The following NOS1AP variants were observed in gnomAD, a reference collection of about 807,000 sequenced individuals.
The protein encoded by NOS1AP is nitric oxide synthase 1 adaptor protein, also known as carboxyl-terminal PDZ ligand of neuronal nitric oxide synthase protein.
A neutral mutation model predicts 56.2 loss-of-function variants in NOS1AP; 21 were observed. The observed-to-expected ratio is 0.37, with a 90% CI of 0.26 to 0.54. NOS1AP has a LOEUF of 0.54. Ranked by LOEUF, NOS1AP falls within the 20% of genes least tolerant of loss-of-function variation. The pLI is 0.84. For synonymous variants in NOS1AP, 270 were observed against 274.6 expected (o/e 0.98, Z 0.17); for missense variants, 522 against 657.8 (o/e 0.79, Z 2.26).
At chr1:162,317,383 C>T (rs1440971820) in intron 4 of NOS1AP, 1 of 152,118 alleles carries the variant, frequency 6.6e-6, no homozygotes, top group Non-Finnish European at 1.5e-5. Context: ...TGCACATACA[C>T]ACACCAAAGT....
At chr1:162,195,379 C>T (rs72633699) in intron 2 of NOS1AP, among the ~76,000 whole-genome samples, 33,857 of 151,842 alleles carry the variant, frequency 0.22, 4,220 homozygotes, top group East Asian at 0.39. Flanking sequence ...TTTCTCTCTA[C>T]GAGGCCATAC....
chr1:162,273,313 GC>G (rs1393324175), intron 2 of NOS1AP, among the ~76,000 whole-genome samples: 1 of 151,876 alleles, frequency 6.6e-6, no homozygotes, highest in Non-Finnish European at 1.5e-5. Context: ...ACAGGCGCCC[GC>G]CACCACACCC....
intron 2 of NOS1AP, among the ~76,000 whole-genome samples, chr1:162,260,707 T>A (rs1654181077): frequency 6.6e-6 from 1 of 152,178 alleles, no homozygotes; most frequent in Non-Finnish European, 1.5e-5. Context: ...CACCCACCTT[T>A]TTTTGCTGCT....
At chr1:162,288,781 C>T (rs1217219161) in intron 3 of NOS1AP, among the ~76,000 whole-genome samples, 1 of 152,188 alleles carries the variant, frequency 6.6e-6, no homozygotes, top group Non-Finnish European at 1.5e-5. Flanking sequence ...AAAGAACCAC[C>T]TTCTTCAAAA....
intron 2 of NOS1AP, among the ~76,000 whole-genome samples, chr1:162,265,714 G>A (rs1320643136): frequency 6.6e-5 from 10 of 152,162 alleles, no homozygotes; most frequent in Admixed American, 6.6e-4. Context: ...CAGTTGATTT[G>A]CTTGAGATTA....
chr1:162,350,558 C>T (rs998050289), intron 6 of NOS1AP, among the ~76,000 whole-genome samples: 1 of 152,234 alleles, frequency 6.6e-6, no homozygotes, highest in African/African-American at 2.4e-5. Context: ...ACCCTGTTCC[C>T]CTGGAGGTGA....
intron 2 of NOS1AP, among the ~76,000 whole-genome samples, chr1:162,212,940 C>A (rs1652421699): frequency 6.6e-6 from 1 of 152,206 alleles, no homozygotes; most frequent in South Asian, 2.1e-4. Flanking sequence ...TCCTCGAAAG[C>A]CTGTCACACA....
chr1:162,182,681 G>T (rs1651302851), intron 2 of NOS1AP, among the ~76,000 whole-genome samples: 1 of 152,064 alleles, frequency 6.6e-6, no homozygotes, highest in African/African-American at 2.4e-5. Flanking sequence ...GTTCATAGCG[G>T]GTCTACAGGG....
intron 2 of NOS1AP, among the ~76,000 whole-genome samples, chr1:162,182,679 C>T (rs770354329): frequency 2.0e-5 from 3 of 152,140 alleles, no homozygotes; most frequent in Non-Finnish European, 4.4e-5. Context: ...ATGTTCATAG[C>T]GGGTCTACAG....
intron 2 of NOS1AP, among the ~76,000 whole-genome samples, chr1:162,198,506 T>G (rs1236166634): frequency 1.3e-5 from 2 of 152,200 alleles, no homozygotes; most frequent in African/African-American, 4.8e-5. Flanking sequence ...AGTCAAGCCC[T>G]AAAGACATCT....
intron 2 of NOS1AP, among the ~76,000 whole-genome samples, chr1:162,249,888 A>G (rs1653793607): frequency 1.3e-5 from 2 of 152,214 alleles, no homozygotes; most frequent in Non-Finnish European, 2.9e-5. Context: ...ACTTCCCTGA[A>G]GAAGTGATAG....
intron 2 of NOS1AP, among the ~76,000 whole-genome samples, chr1:162,257,176 C>T (rs1194708729): frequency 3.9e-5 from 6 of 152,144 alleles, no homozygotes; most frequent in Admixed American, 3.3e-4. Context: ...CCAAGTGCAG[C>T]AGAACTTTCT....
rs981915769 is a variant in NOS1AP, at chr1:162,357,312, T to C, written c.939+176T>C. 4.0e-5 allele frequency: 49 copies of C among 1,213,386 alleles called. No homozygotes were observed. The African/African-American group carries it at 6.0e-4, about 15-fold the overall frequency. 75.2% of individuals were successfully genotyped at this position (1,213,386 alleles called of 1,614,324 possible). A position where few individuals can be genotyped will look rare whatever the true frequency, so the allele number is the denominator to read the frequency against. On this transcript the variant is annotated intron_variant, in intron 8 of 9. Coordinates refer to ENST00000361897, the MANE Select transcript of NOS1AP (RefSeq NM_014697.3). ...CAGCGGGAGGGGGATAGATGGGGGA[T>C]GCAGTTGAAATGGAGAGGCACATTT...
At chr1:162,178,033 T>C (rs1464011731) in intron 2 of NOS1AP, among the ~76,000 whole-genome samples, 2 of 152,260 alleles carry the variant, frequency 1.3e-5, no homozygotes, top group African/African-American at 4.8e-5. Context: ...TAGCAAACAC[T>C]GATCTTTTTA....
chr1:162,109,204 T>C (rs1055440279), intron 1 of NOS1AP, among the ~76,000 whole-genome samples: 1 of 152,168 alleles, frequency 6.6e-6, no homozygotes, highest in African/African-American at 2.4e-5. Context: ...CAAGGTGAGA[T>C]TTGGGTGGGA....
intron 2 of NOS1AP, among the ~76,000 whole-genome samples, chr1:162,279,945 A>G (rs1654866431): frequency 6.6e-6 from 1 of 152,176 alleles, no homozygotes; most frequent in South Asian, 2.1e-4. Context: ...TTCTTCATCT[A>G]TAAGATGAAA....
chr1:162,084,560 A>C (rs960070521), intron 1 of NOS1AP, among the ~76,000 whole-genome samples: 1 of 152,128 alleles, frequency 6.6e-6, no homozygotes, highest in Admixed American at 6.5e-5. Flanking sequence ...CCAGCTTCCC[A>C]TTTGGTGTTG....
intron 1 of NOS1AP, among the ~76,000 whole-genome samples, chr1:162,111,481 G>A (rs1467308850): frequency 6.6e-6 from 1 of 152,222 alleles, no homozygotes; most frequent in Non-Finnish European, 1.5e-5. Flanking sequence ...TGAGAAACAA[G>A]CTCTGTCCCA....
At chr1:162,158,782 C>T (rs1650077265) in intron 2 of NOS1AP, among the ~76,000 whole-genome samples, 2 of 152,146 alleles carry the variant, frequency 1.3e-5, no homozygotes, top group African/African-American at 4.8e-5. Context: ...AAGAAGGAAG[C>T]TTAAGGGACA....
Sources: gnomAD v4.1 joint callset for allele counts (sites outside exome capture counted in the v4.1 genomes callset) on GRCh38, gnomAD v4.1.1 for gene constraint, MANE v1.5 for transcripts, NCBI Gene and HGNC (gene_info 2026-07-23, HGNC 2026-07-21) for gene names.